EPHA8: variants seen among roughly 807,000 people sequenced by gnomAD.
The protein encoded by EPHA8 is ephrin type-A receptor 8.
A neutral mutation model predicts 103.6 loss-of-function variants in EPHA8; 58 were observed. The ratio of observed to expected loss-of-function variants is 0.56; its 90% confidence interval spans 0.45 to 0.70. The LOEUF (loss-of-function observed/expected upper bound fraction) is 0.70, where lower values mean the gene tolerates loss of function less well. Among genes scored for constraint, EPHA8 ranks in the 30% least tolerant of loss-of-function variants. The probability of loss-of-function intolerance (pLI) is 0.00; values close to 1 mark genes in which losing one functional copy is unlikely to be tolerated. For missense variants in EPHA8, 1,304 were observed against 1,395.2 expected, an observed-to-expected ratio of 0.93 and a Z score of 1.04; for synonymous variants, 559 against 572.5, an observed-to-expected ratio of 0.98 and a Z score of 0.34.
In EPHA8 at chr1:22,563,960, A is replaced by G. The variant is rs1384841115; in HGVS notation, c.94+231A>G. ...ACGGACAGGTACCGGGGACTGGGGG[A>G]CAGTGGGAAAGGACAGGAGACAGGA... On this transcript the variant is annotated intron_variant, in intron 1 of 16. Transcript: ENST00000166244. The surrounding 1 kb of genome is among the most constrained non-coding windows in gnomAD (Gnocchi z 4.4). Among the ~76,000 whole-genome samples the G allele has an allele frequency of 6.6e-6, 1 of 151,772 alleles. No homozygotes were observed. The highest frequency in any genetic ancestry group is 1.5e-5 in the Non-Finnish European group (1 of 67,926).
chr1:22,599,564 CAAAAG>C (rs999713574), intron 13 of EPHA8, among the ~76,000 whole-genome samples: 4 of 119,482 alleles, frequency 3.3e-5, no homozygotes, highest in Admixed American at 1.0e-4. Context: ...CCTGTGACAA[CAAAAG>C]AAAGAAGGAA....
intron 3 of EPHA8, among the ~76,000 whole-genome samples, chr1:22,585,050 T>TGTGTGTGTGTGTGTGC (rs71020436): frequency 1.3e-4 from 12 of 93,518 alleles, no homozygotes; most frequent in African/African-American, 5.4e-4. Context: ...TGTGTGTGTG[T>TGTGTGTGTGTGTGTGC]GCGCACGCGT....
chr1:22,564,827 G>A (rs1044412206), intron 1 of EPHA8, among the ~76,000 whole-genome samples: 8 of 152,086 alleles, frequency 5.3e-5, no homozygotes, highest in Non-Finnish European at 1.2e-4. Context: ...GATGTCCAGG[G>A]ACCAGAGCTG....
rs61562701 is a variant in EPHA8 at position 22,571,789 on chromosome 1, C to T, written c.159+2436C>T. On this transcript the variant is annotated intron_variant, in intron 2 of 16. Transcript: ENST00000166244. ...AGGGAGCCAGGCATGGTGGCTCACACCTGTAATCGTAGCATTTTAGGAGGC... is the reference window on the plus strand; with the variant it reads ...AGGGAGCCAGGCATGGTGGCTCACATCTGTAATCGTAGCATTTTAGGAGGC... 5.4e-3 allele frequency among the ~76,000 whole-genome samples: 826 copies of T among 152,266 alleles called. 6 individuals are homozygous for T. The highest frequency in any genetic ancestry group is 0.019 in the African/African-American group (799 of 41,542).
At chr1:22,577,428 G>A (rs959152665) in intron 3 of EPHA8, among the ~76,000 whole-genome samples, 2 of 152,156 alleles carry the variant, frequency 1.3e-5, no homozygotes, top group African/African-American at 4.8e-5. Flanking sequence ...GTTGGTGCTC[G>A]AAACCGCTGA....
chr1:22,592,027 G>A (rs953771507), intron 5 of EPHA8, among the ~76,000 whole-genome samples: 7 of 152,274 alleles, frequency 4.6e-5, no homozygotes, highest in African/African-American at 1.7e-4. Flanking sequence ...CAGAGTTCCC[G>A]GCTCCTAGCC....
In EPHA8 at chr1:22,598,766, G is replaced by C; in HGVS notation, c.2179-72G>C. On this transcript the variant is annotated intron_variant, in intron 12 of 16. Transcript: ENST00000166244. This position sits in a 1 kb window ranked among gnomAD's most constrained non-coding sequence, Gnocchi z 5.1. ...CTCAACTCGAGAGCATCCTACAGATGGGAGGTGTTCCTGTTCACGGACCAG... is the reference window on the plus strand; with the variant it reads ...CTCAACTCGAGAGCATCCTACAGATCGGAGGTGTTCCTGTTCACGGACCAG... The C allele has an allele frequency of 6.8e-7, 1 of 1,478,434 alleles. No homozygotes were observed. The highest frequency in any genetic ancestry group is 9.3e-7 in the Non-Finnish European group (1 of 1,075,540). 91.6% of individuals were successfully genotyped at this position (1,478,434 alleles called of 1,614,324 possible).
At chr1:22,570,281 C>T (rs182293201) in intron 2 of EPHA8, among the ~76,000 whole-genome samples, 16 of 152,208 alleles carry the variant, frequency 1.1e-4, no homozygotes, top group African/African-American at 2.9e-4. Context: ...CACACATGCA[C>T]GCGCGTACAC....
intron 3 of EPHA8, among the ~76,000 whole-genome samples, chr1:22,583,620 C>CACTT (rs1338220831): frequency 6.6e-5 from 10 of 152,230 alleles, no homozygotes; most frequent in African/African-American, 2.2e-4. Flanking sequence ...AAGTGCCAGG[C>CACTT]ACTGCCCTGG....
At chr1:22,591,386 T>G in intron 5 of EPHA8, among the ~76,000 whole-genome samples, 1 of 136,386 alleles carries the variant, frequency 7.3e-6, no homozygotes. Flanking sequence ...CCATGCCCAG[T>G]GATTTTTTTT....
chr1:22,564,209 A>C (rs1275994117), intron 1 of EPHA8, among the ~76,000 whole-genome samples: 1 of 151,414 alleles, frequency 6.6e-6, no homozygotes, highest in Non-Finnish European at 1.5e-5. Context: ...GGGTGGGGAC[A>C]GCATTGAGAG....
At position 22,600,909 on chromosome 1, in the gene EPHA8, T is replaced by G; in HGVS notation, c.2550T>G (p.Ser850=). The change falls in exon 15 of 17, where the codon TCT becomes TCG. Residue 850 remains serine, a synonymous_variant. Transcript: ENST00000166244. ...WNMTNRDVIS[S]VEEGYRLPAP... is the part of the protein sequence containing the mutation. ...CTGATCCCCTGCAGGTCATCAGCTC[T>G]GTGGAGGAGGGGTACCGCCTGCCCG... The G allele has an allele frequency of 6.2e-7, 1 of 1,608,008 alleles. No homozygotes were observed. The highest frequency in any genetic ancestry group is 8.5e-7 in the Non-Finnish European group (1 of 1,177,054).
chr1:22,599,667 G>A (rs572601296), intron 13 of EPHA8, among the ~76,000 whole-genome samples: 28 of 58,338 alleles, frequency 4.8e-4, no homozygotes, highest in South Asian at 8.6e-4. Context: ...AAGGAGGGAG[G>A]GAGGAAGGAG....
At chr1:22,594,757 T>G (rs1382850930) in intron 7 of EPHA8, among the ~76,000 whole-genome samples, 1 of 152,138 alleles carries the variant, frequency 6.6e-6, no homozygotes, top group Non-Finnish European at 1.5e-5. Context: ...CTCCATCCCA[T>G]GTACTGTGTG....
chr1:22,589,515 G>A lies in EPHA8; in HGVS notation c.1315+309G>A, dbSNP rs1641320776. The A allele has an allele frequency of 7.1e-7, 1 of 1,416,174 alleles. No homozygotes were observed. Among genetic ancestry groups the A allele is most frequent in the African/African-American group, 1.4e-5 (1 of 69,774 alleles). 87.7% of individuals were successfully genotyped at this position (1,416,174 alleles called of 1,614,324 possible). On this transcript the variant is annotated intron_variant, in intron 5 of 16. Transcript: ENST00000166244. The surrounding 1 kb of genome is among the most constrained non-coding windows in gnomAD (Gnocchi z 4.3). ...CCTCCCTGGTGCAATGGGAATAATA[G>A]TACCTGCCTGAGGTCCTCTCAGGAG...
At chr1:22,578,697 C>CTGTG (rs146554873) in intron 3 of EPHA8, among the ~76,000 whole-genome samples, 13,323 of 145,232 alleles carry the variant, frequency 0.092, 632 homozygotes, top group South Asian at 0.19. Context: ...GTATGTGTGC[C>CTGTG]TGTGTGTGTA....
intron 3 of EPHA8, among the ~76,000 whole-genome samples, chr1:22,582,993 C>T (rs1234156340): frequency 1.3e-5 from 2 of 152,252 alleles, no homozygotes; most frequent in Non-Finnish European, 2.9e-5. Flanking sequence ...GAATTAATTT[C>T]CTTTGGTTGT....
At chr1:22,566,154 G>C (rs951644167) in intron 1 of EPHA8, among the ~76,000 whole-genome samples, 3 of 152,248 alleles carry the variant, frequency 2.0e-5, no homozygotes, top group Non-Finnish European at 2.9e-5. Flanking sequence ...GGCCCAGGAA[G>C]GGCCCTGCAC....
At chr1:22,578,213 C>CAT (rs1640827898) in intron 3 of EPHA8, among the ~76,000 whole-genome samples, 1 of 66,476 alleles carries the variant, frequency 1.5e-5, no homozygotes, top group African/African-American at 6.2e-5. Flanking sequence ...CGAGTGTGTG[C>CAT]GTGTGAGTGT....
Sources: allele counts gnomAD v4.1 joint callset (sites outside exome capture counted in the v4.1 genomes callset), GRCh38; gene constraint gnomAD v4.1.1; non-coding constraint Gnocchi (gnomAD v3.1); transcripts MANE v1.5; gene names NCBI Gene and HGNC (gene_info 2026-07-23, HGNC 2026-07-21).